The following ABCA9 variants were observed in gnomAD, a reference collection of about 807,000 sequenced individuals.
ABCA9 encodes the protein ATP-binding cassette sub-family A member 9.
Under a neutral mutation model 205.3 loss-of-function variants are expected in ABCA9, and 183 were observed. The ratio of observed to expected loss-of-function variants is 0.89; its 90% CI spans 0.79 to 1.01. The LOEUF (loss-of-function observed/expected upper bound fraction) is 1.01. ABCA9 is among the 50% of genes least tolerant of loss of function. ABCA9 has a pLI of 0.00. For synonymous variants in ABCA9, 651 were observed against 683.3 expected, an observed-to-expected ratio of 0.95 and a Z score of 0.74; for missense variants, 1,805 against 1,912.4, an observed-to-expected ratio of 0.94 and a Z score of 1.05.
the ABCA9 span, among the ~76,000 whole-genome samples, chr17:69,066,148 G>A: frequency 6.6e-6 from 1 of 152,034 alleles, no homozygotes; most frequent in African/African-American, 2.4e-5. Context: ...CCCCTTCCAG[G>A]TGCCCCCACA....
At chr17:68,994,356 A>G (rs540793939) in intron 26 of ABCA9, among the ~76,000 whole-genome samples, 3 of 152,320 alleles carry the variant, frequency 2.0e-5, no homozygotes, top group Admixed American at 6.5e-5. Context: ...ATATAGAACT[A>G]CTGCTCACAT....
At chr17:68,997,548 G>GGTTC (rs2069663698) in intron 25 of ABCA9, among the ~76,000 whole-genome samples, 1 of 146,960 alleles carries the variant, frequency 6.8e-6, no homozygotes, top group Non-Finnish European at 1.5e-5. Flanking sequence ...AACCCTAAGT[G>GGTTC]GTTCCTCTTT....
At chr17:69,033,385 C>G (rs1177475792) in intron 9 of ABCA9, 1 of 160,290 alleles carries the variant, frequency 6.2e-6, no homozygotes, top group East Asian at 1.7e-4. Context: ...ACTAATAACC[C>G]ACTATTGTAT....
At chr17:68,983,279 C>T (rs2069122398) in intron 36 of ABCA9, among the ~76,000 whole-genome samples, 1 of 152,144 alleles carries the variant, frequency 6.6e-6, no homozygotes, top group Admixed American at 6.5e-5. Context: ...CTCCTGTCTC[C>T]ACACTCTGAG....
rs1428893453 is a variant in ABCA9 at position 68,985,091 on chromosome 17, C to A, written c.4246G>T (p.Ala1416Ser). The A allele has an allele frequency of 1.9e-6, 3 of 1,614,192 alleles. No homozygotes were observed. Among genetic ancestry groups the A allele is most frequent in the Admixed American group, 1.7e-5 (1 of 60,022 alleles). Reference protein sequence around the residue: ...DALKLQDQLKAPVKTLSEGIK... With the variant: ...DALKLQDQLKSPVKTLSEGIK... ...CCCTCTGACAAGGTCTTCACGGGAG[C>A]CTTCAGCTGGTCCTGCAGCTTGAGC... The change falls in exon 33 of 39, where the codon GCT (alanine) becomes TCT (serine). Residue 1416 changes from alanine (A) to serine (S), a missense_variant. By Grantham distance (99) the Ala-to-Ser change is moderately conservative. Coordinates refer to ENST00000340001, the MANE Select transcript of ABCA9 (RefSeq NM_080283.4).
chr17:69,019,884 T>G (rs1039538021), intron 19 of ABCA9: 1 of 152,912 alleles, frequency 6.5e-6, no homozygotes, highest in Admixed American at 6.5e-5. Context: ...AACCCAAGTT[T>G]CCAGTCTTCC....
chr17:68,984,002 T>G (rs1314166573), intron 35 of ABCA9, 54 bp downstream of exon 35: 1 of 1,609,772 alleles, frequency 6.2e-7, no homozygotes, highest in African/African-American at 1.3e-5. Flanking sequence ...GGAAATAAAC[T>G]TTGCTCACAG....
upstream of ABCA9, among the ~76,000 whole-genome samples, chr17:69,065,647 C>T (rs1884875613): frequency 6.6e-6 from 1 of 152,150 alleles, no homozygotes; most frequent in South Asian, 2.1e-4. Flanking sequence ...GTGGACTTCT[C>T]TGGTGACTAC....
In ABCA9 at chr17:69,035,614, G is replaced by T. The variant is rs750239653; in HGVS notation, c.942+46C>A. On this transcript the variant is annotated intron_variant, in intron 7 of 38. Coordinates refer to ENST00000340001, the MANE Select transcript of ABCA9 (RefSeq NM_080283.4). ...TTAGTGATAAATTATTGGCAGTAGA[G>T]AGAGAGAAAGAGAATAAAAGACTTA... 5 of 1,600,328 alleles carry T rather than the reference G, an allele frequency of 3.1e-6. No individual in the cohort carries two copies. The Admixed American group carries it at 8.6e-5, about 27-fold the overall frequency.
upstream of ABCA9, among the ~76,000 whole-genome samples, chr17:69,063,834 A>C (rs540257053): frequency 1.8e-4 from 27 of 152,126 alleles, no homozygotes; most frequent in Non-Finnish European, 3.5e-4. Flanking sequence ...GGCCTCCCAA[A>C]GTGTTGGGAT....
At chr17:68,982,772 A>G (rs1250928552) in intron 36 of ABCA9, 131 bp from the exon 37 acceptor site, 5 of 634,946 alleles carry the variant, frequency 7.9e-6, no homozygotes, top group Non-Finnish European at 1.4e-5. Context: ...TGGGAGGCCA[A>G]GAAGGGAAGA....
chr17:68,982,504 A>T, intron 37 of ABCA9, 58 bp downstream of exon 37: 1 of 1,278,498 alleles, frequency 7.8e-7, no homozygotes, highest in Admixed American at 1.7e-5. Flanking sequence ...TACTGGTTCT[A>T]TGTCAGATTT....
chr17:68,995,080 A>G (rs912237982), intron 26 of ABCA9, among the ~76,000 whole-genome samples: 2 of 152,186 alleles, frequency 1.3e-5, no homozygotes, highest in African/African-American at 4.8e-5. Context: ...GACCTTGTGA[A>G]GCTCACCAAT....
At chr17:69,054,629 T>C (rs1303682949) in intron 1 of ABCA9, among the ~76,000 whole-genome samples, 4 of 151,956 alleles carry the variant, frequency 2.6e-5, no homozygotes, top group Non-Finnish European at 4.4e-5. Context: ...TTTTTCTTAT[T>C]TTTAACTGAT....
At chr17:69,006,002 T>TGTTAAGTCATTGCCCATGACTTA (rs1402990487) in intron 25 of ABCA9, among the ~76,000 whole-genome samples, 4 of 152,272 alleles carry the variant, frequency 2.6e-5, no homozygotes, top group Non-Finnish European at 5.9e-5. Flanking sequence ...TAAAAATGCC[T>TGTTAAGTCATTGCCCATGACTTA]GTTAAGTCAT....
At chr17:69,021,678 G>T (rs758512421) in intron 18 of ABCA9, 64 bp downstream of exon 18, 35 of 1,048,326 alleles carry the variant, frequency 3.3e-5, no homozygotes, top group African/African-American at 1.4e-4. Context: ...TCTTTCTTTC[G>T]TCCTTCCTTC....
chr17:69,018,823 G>A (rs576197629), intron 19 of ABCA9, among the ~76,000 whole-genome samples: 34 of 152,048 alleles, frequency 2.2e-4, no homozygotes, highest in African/African-American at 8.2e-4. Flanking sequence ...GAAGTCTGTG[G>A]ATTATGACTC....
intron 23 of ABCA9, 74 bp from the exon 24 acceptor site, chr17:69,008,309 T>C: frequency 7.3e-7 from 1 of 1,373,894 alleles, no homozygotes; most frequent in Non-Finnish European, 1.0e-6. Context: ...TATACAGTCA[T>C]GAAAGCATTC....
In ABCA9 at chr17:69,017,733, C is replaced by T; in HGVS notation, c.2824G>A (p.Val942Met). The T allele has an allele frequency of 6.2e-7, 1 of 1,613,454 alleles. No individual in the cohort carries two copies. Among genetic ancestry groups the T allele is most frequent in the Non-Finnish European group, 8.5e-7 (1 of 1,179,496 alleles). The stretch of plus-strand genomic sequence containing the variant: ...CCATTTCTAGTTCCAAAGGCATCCA[C>T]TTCTATAGCTATGTTCTGTCGCCTC... ...SLRRQNIAIE[V>M]DAFGTRNGTD... The change falls in exon 21 of 39, where the codon GTG becomes ATG. Residue 942 changes from valine (V) to methionine (M), a missense_variant. Transcript: ENST00000340001.
Sources: gnomAD v4.1 joint callset for allele counts (sites outside exome capture counted in the v4.1 genomes callset) on GRCh38, gnomAD v4.1.1 for gene constraint, MANE v1.5 for transcripts, NCBI Gene and HGNC (gene_info 2026-07-23, HGNC 2026-07-21) for gene names.